The following CCDC88B variants were observed in gnomAD, a reference collection of about 807,000 sequenced individuals.
CCDC88B encodes the protein coiled-coil domain-containing protein 88B.
In CCDC88B, 138 loss-of-function variants were observed where a neutral mutation model predicts 183.7. That is an observed-to-expected ratio of 0.75 (90% confidence interval 0.65 to 0.87). The LOEUF (loss-of-function observed/expected upper bound fraction) is 0.87. Ranked by LOEUF, CCDC88B falls within the 40% of genes least tolerant of loss-of-function variation. The pLI, the probability that CCDC88B is intolerant of heterozygous loss-of-function variation, is 0.00. For missense variants in CCDC88B, 1,822 were observed against 1,965.6 expected (o/e 0.93, Z 1.38); for synonymous variants, 835 against 867.5 (o/e 0.96, Z 0.66).
rs979833341 is a variant in CCDC88B at position 64,354,071 on chromosome 11, G to A, written c.4000G>A (p.Gly1334Arg). Residue 1334 changes from glycine to arginine, a missense_variant, in exon 24 of 27, where the codon GGG becomes AGG. Physicochemically the swap from Gly to Arg is moderately radical, Grantham distance 125 (BLOSUM62 -2). Coordinates refer to ENST00000356786, the MANE Select transcript of CCDC88B (RefSeq NM_032251.6). ...GCCCCGGCGGGAGGGGGGCCCCCCT[G>A]GGGGGCTGCGCCTGGGGGCCGATGG... ...MRPRREGGPP[G>R]GLRLGADGAG... The A allele has an allele frequency of 2.1e-6, 3 of 1,441,328 alleles. No homozygotes were observed. The highest frequency in any genetic ancestry group is 2.7e-6 in the Non-Finnish European group (3 of 1,092,386). 89.3% of individuals were successfully genotyped at this position (1,441,328 alleles called of 1,614,324 possible). A position where few individuals can be genotyped will look rare whatever the true frequency, so the allele number is the denominator to read the frequency against.
chr11:64,353,153 G>T lies in CCDC88B; in HGVS notation c.3600G>T (p.Arg1200=). 6.3e-7 allele frequency: 1 copy of T among 1,591,938 alleles called. No individual in the cohort carries two copies. The highest frequency in any genetic ancestry group is 8.5e-7 in the Non-Finnish European group (1 of 1,170,552). Residue 1200 remains arginine, a synonymous_variant, in exon 21 of 27, where the codon CGG becomes CGT. Coordinates refer to ENST00000356786, the MANE Select transcript of CCDC88B (RefSeq NM_032251.6). The stretch of plus-strand genomic sequence containing the variant: ...GGCTGGCGCGGCTGGAGCTGGAGCG[G>T]GCACAGCTGGAGATGCAGAGCCAGC... ...RGRLARLELE[R]AQLEMQSQQL...
chr11:64,346,590 G>A (rs11231761), intron 14 of CCDC88B, among the ~76,000 whole-genome samples: 29,349 of 151,718 alleles, frequency 0.19, 3,373 homozygotes, highest in South Asian at 0.3. Flanking sequence ...ACAGGCACCC[G>A]CTCCCGCACT....
intron 24 of CCDC88B, 39 bp downstream of exon 24, chr11:64,354,209 C>T (rs1049747453): frequency 7.6e-7 from 1 of 1,311,640 alleles, no homozygotes; most frequent in African/African-American, 1.5e-5. Context: ...GGTCCCTGCC[C>T]CACATCCTCT....
In CCDC88B at chr11:64,342,009, C is replaced by CT. The variant is rs772848376; in HGVS notation, c.692dup (p.Leu232AlafsTer11). The CT allele has an allele frequency of 1.2e-6, 2 of 1,612,626 alleles. No individual in the cohort carries two copies. Among genetic ancestry groups the CT allele is most frequent in the Non-Finnish European group, 1.7e-6 (2 of 1,179,696 alleles). The stretch of plus-strand genomic sequence containing the variant: ...TGACCTACAGCGGCTGGCTGAACTG[C>CT]TGCTGGAGCGAGAACCCCTCTGCTT... On this transcript the variant is annotated frameshift_variant, in exon 8 of 27. Coordinates refer to ENST00000356786, the MANE Select transcript of CCDC88B (RefSeq NM_032251.6). LOFTEE classifies it high-confidence loss of function.
At chr11:64,355,539 T>C in intron 25 of CCDC88B, 21 bp from the exon 26 acceptor site, 1 of 1,612,804 alleles carries the variant, frequency 6.2e-7, no homozygotes, top group Non-Finnish European at 8.5e-7. Flanking sequence ...CTGGGCCCAG[T>C]GGTTGCCTTG....
intron 26 of CCDC88B, 157 bp downstream of exon 26, chr11:64,355,785 A>C (rs2036530122): frequency 1.6e-6 from 1 of 607,204 alleles, no homozygotes; most frequent in Non-Finnish European, 2.8e-6. Flanking sequence ...TGGTGTGAGG[A>C]GGCAGATAGT....
intron 4 of CCDC88B, 37 bp from the exon 5 acceptor site, chr11:64,341,233 C>A (rs1420504950): frequency 1.2e-6 from 2 of 1,614,162 alleles, no homozygotes; most frequent in South Asian, 2.2e-5. Flanking sequence ...TCTACCTTCC[C>A]CGCCCCAGTT....
intron 17 of CCDC88B, 108 bp downstream of exon 17, chr11:64,351,363 C>T (rs1194035345): frequency 6.6e-7 from 1 of 1,520,986 alleles, no homozygotes; most frequent in Admixed American, 2.0e-5. Context: ...TGAGTGTGGA[C>T]TCACAGTGGG....
In CCDC88B at chr11:64,340,278, C is replaced by G; in HGVS notation, c.12C>G (p.Gly4=). ...ACCCCGACCCGGGCATGGAGGGGGGCAAGGGGCCCAGGCTCAGAGACTTCC... is the reference window on the plus strand; with the variant it reads ...ACCCCGACCCGGGCATGGAGGGGGGGAAGGGGCCCAGGCTCAGAGACTTCC... MEG[G]KGPRLRDFLS... Residue 4 remains glycine, a synonymous_variant, in exon 1 of 27, where the codon GGC becomes GGG. Transcript: ENST00000356786. The G allele has an allele frequency of 3.2e-6, 4 of 1,266,932 alleles. No individual in the cohort carries two copies. Among genetic ancestry groups the G allele is most frequent in the Non-Finnish European group, 4.0e-6 (4 of 997,364 alleles). The allele number at this position is 1,266,932 out of a possible 1,614,324, so 78.5% of individuals were successfully genotyped here. A position where few individuals can be genotyped will look rare whatever the true frequency, so the allele number is the denominator to read the frequency against.
Position 64,353,220 on chromosome 11 carries a change from C to A in CCDC88B, c.3667C>A (p.Arg1223=). Residue 1223 remains arginine (R), a synonymous_variant, in exon 21 of 27, where the codon CGG becomes AGG. Coordinates refer to ENST00000356786, the MANE Select transcript of CCDC88B (RefSeq NM_032251.6). The part of the protein sequence containing the change: ...SNQQLDLSAC[R]LTTQCELLTQ... ...CCAGCAGCTGGACCTGAGCGCCTGC[C>A]GGCTGACCACGCAGTGTGAGGTGTG... 6.4e-7 allele frequency: 1 copy of A among 1,564,590 alleles called. No homozygotes were observed.
At position 64,353,362 on chromosome 11, in the gene CCDC88B, G is replaced by C; in HGVS notation, c.3699G>C (p.Gln1233His). ...TGCCCCCCTGCCAGCTATTGACACA[G>C]CTGCGAAGTGCCCAGGAAGAGGAGA... is the stretch of plus-strand genomic sequence containing the variant. Reference protein sequence around the residue: ...RLTTQCELLTQLRSAQEEENR... With the variant: ...RLTTQCELLTHLRSAQEEENR... The change falls in exon 22 of 27, where the codon CAG (glutamine) becomes CAC (histidine). Residue 1233 changes from glutamine (Q) to histidine (H), a missense_variant. By Grantham distance (24) the Gln-to-His change is conservative. Coordinates refer to ENST00000356786, the MANE Select transcript of CCDC88B (RefSeq NM_032251.6). 1 of 1,613,566 alleles carries C rather than the reference G, an allele frequency of 6.2e-7. No homozygotes were observed. Among genetic ancestry groups the C allele is most frequent in the Non-Finnish European group, 8.5e-7 (1 of 1,179,936 alleles).
In CCDC88B at chr11:64,342,676, T is replaced by A; in HGVS notation, c.1058T>A (p.Leu353Gln). The A allele has an allele frequency of 2.7e-6, 4 of 1,489,666 alleles. No homozygotes were observed. The highest frequency in any genetic ancestry group is 3.6e-6 in the Non-Finnish European group (4 of 1,125,904). 92.3% of individuals were successfully genotyped at this position (1,489,666 alleles called of 1,614,324 possible). ...GCGGCTGAGGCCTACAAGAGTCAGC[T>A]GGAGGTGAGGCGGAGACGGAGCCGC... is the stretch of plus-strand genomic sequence containing the variant. ...LQAAEAYKSQ[L>Q]EEERVLSGVL... The change falls in exon 10 of 27, where the codon CTG becomes CAG. Residue 353 changes from leucine (L) to glutamine (Q), a missense_variant. Transcript: ENST00000356786.
chr11:64,355,836 T>C, intron 26 of CCDC88B: 1 of 496,574 alleles, frequency 2.0e-6, no homozygotes, highest in Admixed American at 3.9e-5. Flanking sequence ...ACAACAGCCC[T>C]GTCCACTAGA....
chr11:64,355,491 TG>T (rs1490220467), intron 25 of CCDC88B, 68 bp from the exon 26 acceptor site: 81 of 1,594,884 alleles, frequency 5.1e-5, no homozygotes, highest in Non-Finnish European at 6.9e-5. Context: ...TCTTGTCCCC[TG>T]TGTCTCCTGC....
Position 64,353,113 on chromosome 11 carries a change from G to A in CCDC88B, c.3560G>A (p.Gly1187Glu). The A allele has an allele frequency of 1.2e-6, 2 of 1,606,978 alleles. No homozygotes were observed. The highest frequency in any genetic ancestry group is 1.7e-6 in the Non-Finnish European group (2 of 1,177,572). Residue 1187 changes from glycine (G) to glutamate (E), a missense_variant, in exon 21 of 27, where the codon GGG becomes GAG. Physicochemically the swap from Gly to Glu is moderately conservative, Grantham distance 98. Coordinates refer to ENST00000356786, the MANE Select transcript of CCDC88B (RefSeq NM_032251.6). Reference protein sequence around the residue: ...RERGELQGERGELRGRLARLE... With the variant: ...RERGELQGEREELRGRLARLE... Reference sequence around the variant, plus strand: ...CGGGGTGAGCTGCAGGGTGAACGCGGGGAGCTACGGGGCCGGCTGGCGCGG... The same window carrying A: ...CGGGGTGAGCTGCAGGGTGAACGCGAGGAGCTACGGGGCCGGCTGGCGCGG...
At chr11:64,343,700 T>C in intron 12 of CCDC88B, 78 bp from the exon 13 acceptor site, 1 of 1,533,582 alleles carries the variant, frequency 6.5e-7, no homozygotes, top group Non-Finnish European at 8.8e-7. Flanking sequence ...ACTCCCTCCC[T>C]TCTCCCAAGC....
Position 64,353,793 on chromosome 11 carries a change from T to C in CCDC88B, c.3912T>C (p.Pro1304=), listed in dbSNP as rs373925959. Residue 1304 remains proline, a synonymous_variant, in exon 23 of 27, where the codon CCT becomes CCC. Transcript: ENST00000356786. ...TGGACCAATACCGCGTGCTGGAGCCTGTGCCCCTGCCCCGGACCAAGTGAG... is the reference window on the plus strand; with the variant it reads ...TGGACCAATACCGCGTGCTGGAGCCCGTGCCCCTGCCCCGGACCAAGTGAG... The part of the protein sequence containing the change: ...KIMDQYRVLE[P]VPLPRTKKGS... 9.9e-6 allele frequency: 16 copies of C among 1,613,922 alleles called. No individual in the cohort carries two copies. In the African/African-American group the frequency reaches 2.1e-4, roughly 22 times the overall value.
At chr11:64,341,399 T>A (rs1480726123) in intron 5 of CCDC88B, 22 bp from the exon 6 acceptor site, 1 of 1,613,850 alleles carries the variant, frequency 6.2e-7, no homozygotes, top group Admixed American at 1.7e-5. Flanking sequence ...CTGCACCAGC[T>A]CCCCTTCCTG....
At position 64,344,168 on chromosome 11, in the gene CCDC88B, G is replaced by T; in HGVS notation, c.1627G>T (p.Ala543Ser). 6.2e-7 allele frequency: 1 copy of T among 1,612,700 alleles called. No homozygotes were observed. Among genetic ancestry groups the T allele is most frequent in the Non-Finnish European group, 8.5e-7 (1 of 1,179,506 alleles). ...APPALDSVLE[A>S]SAECPQAPDS... Reference sequence around the variant, plus strand: ...CCCGGCATTAGACTCAGTGCTCGAGGCATCAGCTGAGTGTCCCCAGGCACC... The same window carrying T: ...CCCGGCATTAGACTCAGTGCTCGAGTCATCAGCTGAGTGTCCCCAGGCACC... The change falls in exon 14 of 27, where the codon GCA (alanine) becomes TCA (serine). Residue 543 changes from alanine to serine, a missense_variant. Coordinates refer to ENST00000356786, the MANE Select transcript of CCDC88B (RefSeq NM_032251.6). This position sits in a 1 kb window ranked among gnomAD's most constrained non-coding sequence, Gnocchi z 4.5.
Sources: allele counts gnomAD v4.1 joint callset (sites outside exome capture counted in the v4.1 genomes callset), GRCh38; gene constraint gnomAD v4.1.1; non-coding constraint Gnocchi (gnomAD v3.1); transcripts MANE v1.5; gene names NCBI Gene and HGNC (gene_info 2026-07-23, HGNC 2026-07-21).